ZBTB7C: variants seen among roughly 807,000 people sequenced by gnomAD.
The protein encoded by ZBTB7C is zinc finger and BTB domain-containing protein 7C.
In ZBTB7C, 8 loss-of-function variants were observed where a neutral mutation model predicts 25.7. That is an observed-to-expected ratio of 0.31 (90% CI 0.18 to 0.56). The LOEUF is 0.56. ZBTB7C is among the 20% of genes least tolerant of loss of function. ZBTB7C has a pLI of 0.91. For synonymous variants in ZBTB7C, 394 were observed against 369.0 expected (o/e 1.07, Z -0.78); for missense variants, 824 against 855.2 (o/e 0.96, Z 0.46).
intron 2 of ZBTB7C, among the ~76,000 whole-genome samples, chr18:48,194,536 A>T (rs930418805): frequency 6.6e-6 from 1 of 152,088 alleles, no homozygotes; most frequent in Non-Finnish European, 1.5e-5. Flanking sequence ...ATAATGTGAG[A>T]GGGCTCCCAG....
At chr18:48,067,688 C>A in intron 3 of ZBTB7C, among the ~76,000 whole-genome samples, 2 of 152,230 alleles carry the variant, frequency 1.3e-5, no homozygotes, top group Middle Eastern at 6.8e-3. Context: ...TACAATTGCA[C>A]GAGCCAATTC....
At chr18:48,323,762 G>A (rs997716932) in intron 2 of ZBTB7C, among the ~76,000 whole-genome samples, 3 of 152,146 alleles carry the variant, frequency 2.0e-5, no homozygotes, top group African/African-American at 7.2e-5. Context: ...AGTTGTCAAT[G>A]AGGTGTGCAG....
At chr18:48,053,579 CATT>C (rs1187614831) in intron 3 of ZBTB7C, among the ~76,000 whole-genome samples, 1 of 152,182 alleles carries the variant, frequency 6.6e-6, no homozygotes, top group Non-Finnish European at 1.5e-5. Context: ...CTACTGTCAT[CATT>C]ATCACCCCAT....
At chr18:48,126,198 C>T (rs530999019) in intron 3 of ZBTB7C, among the ~76,000 whole-genome samples, 2 of 152,300 alleles carry the variant, frequency 1.3e-5, no homozygotes, top group South Asian at 4.1e-4. Flanking sequence ...GTAATAATTA[C>T]TTTAAAAAAT....
At chr18:48,378,976 A>C (rs1598997169) in intron 1 of ZBTB7C, among the ~76,000 whole-genome samples, 1 of 152,214 alleles carries the variant, frequency 6.6e-6, no homozygotes, top group Non-Finnish European at 1.5e-5. Flanking sequence ...CTAAGCTATA[A>C]TGTTCAGTAG....
At chr18:48,125,759 A>G (rs2039779028) in intron 3 of ZBTB7C, among the ~76,000 whole-genome samples, 3 of 152,218 alleles carry the variant, frequency 2.0e-5, no homozygotes, top group Non-Finnish European at 2.9e-5. Context: ...GCTCCAGTAG[A>G]CAAGGTGATC....
intron 3 of ZBTB7C, among the ~76,000 whole-genome samples, chr18:48,050,278 G>A (rs2144238774): frequency 6.6e-6 from 1 of 152,296 alleles, no homozygotes; most frequent in Middle Eastern, 3.4e-3. Context: ...AAGCAAGGTG[G>A]TCACACCCCT....
intron 3 of ZBTB7C, among the ~76,000 whole-genome samples, chr18:48,161,431 G>GA (rs2041025125): frequency 6.6e-6 from 1 of 152,072 alleles, no homozygotes; most frequent in Non-Finnish European, 1.5e-5. Flanking sequence ...AACCAACGGG[G>GA]CGGATTCACG....
At chr18:48,215,355 G>T (rs1191249331) in intron 2 of ZBTB7C, among the ~76,000 whole-genome samples, 5 of 152,184 alleles carry the variant, frequency 3.3e-5, no homozygotes, top group Non-Finnish European at 5.9e-5. Flanking sequence ...CCATGACACA[G>T]CCTCAGGAGG....
chr18:48,032,601 AT>A (rs575381842), intron 4 of ZBTB7C, among the ~76,000 whole-genome samples: 1 of 150,246 alleles, frequency 6.7e-6, no homozygotes, highest in Admixed American at 6.6e-5. Context: ...CGCCTGGCTA[AT>A]TTTTTTTGTA....
intron 1 of ZBTB7C, among the ~76,000 whole-genome samples, chr18:48,343,971 TTTTA>T (rs201476545): frequency 6.6e-6 from 1 of 152,018 alleles, no homozygotes; most frequent in Admixed American, 6.5e-5. Flanking sequence ...GGGATGTGTG[TTTTA>T]TTTATTTATT....
intron 3 of ZBTB7C, among the ~76,000 whole-genome samples, chr18:48,157,837 C>A (rs2040882097): frequency 6.6e-6 from 1 of 152,198 alleles, no homozygotes; most frequent in South Asian, 2.1e-4. Context: ...CTAGTGCCTG[C>A]CTCTGCAACT....
At chr18:48,358,181 G>A (rs1465693399) in intron 1 of ZBTB7C, among the ~76,000 whole-genome samples, 3 of 152,068 alleles carry the variant, frequency 2.0e-5, no homozygotes, top group Non-Finnish European at 2.9e-5. Flanking sequence ...GTGAAACCCC[G>A]TCTCCACTAA....
At chr18:48,207,454 T>C (rs563689004) in intron 2 of ZBTB7C, among the ~76,000 whole-genome samples, 87 of 152,336 alleles carry the variant, frequency 5.7e-4, no homozygotes, top group African/African-American at 1.9e-3. Flanking sequence ...GTGGCATAGT[T>C]ACTGCATGAA....
At chr18:48,351,520 C>T (rs1268010413) in intron 1 of ZBTB7C, among the ~76,000 whole-genome samples, 5 of 152,160 alleles carry the variant, frequency 3.3e-5, no homozygotes, top group Non-Finnish European at 7.3e-5. Flanking sequence ...GAGGGCCTCT[C>T]GCCATGGATG....
chr18:48,041,474 C>G (rs1347253671), intron 3 of ZBTB7C: 3 of 985,306 alleles, frequency 3.0e-6, no homozygotes, highest in Middle Eastern at 5.2e-4. Context: ...CCTCATGAAC[C>G]TAGCTGTTGC....
At chr18:48,237,396 G>A (rs910388367) in intron 2 of ZBTB7C, among the ~76,000 whole-genome samples, 3 of 152,106 alleles carry the variant, frequency 2.0e-5, no homozygotes, top group African/African-American at 7.2e-5. Flanking sequence ...GTGGGGAGCT[G>A]AGACTCCCAA....
At chr18:48,091,634 T>C (rs1178855266) in intron 3 of ZBTB7C, among the ~76,000 whole-genome samples, 1 of 152,146 alleles carries the variant, frequency 6.6e-6, no homozygotes, top group Admixed American at 6.5e-5. Context: ...AGGGAACTCT[T>C]AGGACTGCTT....
intron 3 of ZBTB7C, among the ~76,000 whole-genome samples, chr18:48,181,615 T>C (rs1235609080): frequency 1.3e-5 from 2 of 152,120 alleles, no homozygotes; most frequent in Non-Finnish European, 2.9e-5. Context: ...CTCTTTCAGC[T>C]CCCTTTCCAA....
Sources: allele counts gnomAD v4.1 joint callset (sites outside exome capture counted in the v4.1 genomes callset), GRCh38; gene constraint gnomAD v4.1.1; transcripts MANE v1.5; gene names NCBI Gene and HGNC (gene_info 2026-07-23, HGNC 2026-07-21).